The following SYT1 variants were observed in gnomAD, a reference collection of about 807,000 sequenced individuals.
SYT1 encodes synaptotagmin-1.
A neutral mutation model predicts 44.8 loss-of-function variants in SYT1; 8 were observed. The observed-to-expected ratio is 0.18, with a 90% confidence interval of 0.10 to 0.32. The LOEUF (loss-of-function observed/expected upper bound fraction) is 0.32. Among genes scored for constraint, SYT1 ranks in the 10% least tolerant of loss-of-function variants. SYT1 has a pLI of 1.00. For synonymous variants in SYT1, 154 were observed against 188.8 expected (o/e 0.82, Z 1.51); for missense variants, 286 against 509.3 (o/e 0.56, Z 4.22).
chr12:79,449,010 C>T lies in SYT1; in HGVS notation c.1155C>T (p.Gly385=), dbSNP rs572536317. The T allele has an allele frequency of 1.4e-4, 222 of 1,614,102 alleles. No homozygotes were observed. Among genetic ancestry groups the T allele is most frequent in the Non-Finnish European group, 1.7e-4 (200 of 1,180,030 alleles). ...GKVFVGYNST[G]AELRHWSDML... is the part of the protein sequence containing the mutation. ...TCTTTGTGGGCTACAACAGCACCGG[C>T]GCGGAGCTGCGACACTGGTCAGACA... The change falls in exon 11 of 11, where the codon GGC becomes GGT. Residue 385 remains glycine, a synonymous_variant. Transcript: ENST00000261205.
intron 1 of SYT1, among the ~76,000 whole-genome samples, chr12:78,936,532 G>A (rs1232705304): frequency 2.6e-5 from 4 of 151,950 alleles, no homozygotes; most frequent in African/African-American, 9.7e-5. Context: ...TTTAAATTGG[G>A]TATTTATAGA....
chr12:78,943,673 T>C (rs1878506103), intron 1 of SYT1, among the ~76,000 whole-genome samples: 1 of 152,188 alleles, frequency 6.6e-6, no homozygotes, highest in African/African-American at 2.4e-5. Flanking sequence ...TGTCGAATAC[T>C]AAAACTAGTA....
At chr12:79,032,593 G>A in intron 2 of SYT1, among the ~76,000 whole-genome samples, 1 of 151,210 alleles carries the variant, frequency 6.6e-6, no homozygotes, top group Non-Finnish European at 1.5e-5. Flanking sequence ...TCTTAATACA[G>A]TTAGCATTTA....
At chr12:79,359,679 T>TC (rs1419152198) in intron 9 of SYT1, among the ~76,000 whole-genome samples, 1 of 152,068 alleles carries the variant, frequency 6.6e-6, no homozygotes, top group Non-Finnish European at 1.5e-5. Flanking sequence ...ATTTACCCTG[T>TC]CCCCCTCCCT....
chr12:79,002,842 A>G (rs1022252369), intron 2 of SYT1, among the ~76,000 whole-genome samples: 1 of 152,046 alleles, frequency 6.6e-6, no homozygotes, highest in African/African-American at 2.4e-5. Flanking sequence ...TATGAGATTT[A>G]AAGTTTTAAA....
In SYT1 at chr12:79,248,342, A is replaced by C. The variant is rs530453789; in HGVS notation, c.166+30657A>C. Among the ~76,000 whole-genome samples, 5 of 152,300 alleles carry C rather than the reference A, an allele frequency of 3.3e-5. No individual in the cohort carries two copies. The East Asian group carries it at 7.7e-4, about 24-fold the overall frequency. Reference sequence around the variant, plus strand: ...AAAAACTAGGACTCAACAGACGGAGAGATTGGGTTGTGCAGGTGATGGAGA... The same window carrying C: ...AAAAACTAGGACTCAACAGACGGAGCGATTGGGTTGTGCAGGTGATGGAGA... On this transcript the variant is annotated intron_variant, in intron 4 of 10. Transcript: ENST00000261205.
intron 8 of SYT1, among the ~76,000 whole-genome samples, chr12:79,329,054 C>A (rs1486779837): frequency 2.0e-5 from 3 of 152,110 alleles, no homozygotes; most frequent in Non-Finnish European, 4.4e-5. Context: ...TAACAAACCG[C>A]TACAATCATC....
chr12:79,098,162 T>C (rs149806177), intron 3 of SYT1, among the ~76,000 whole-genome samples: 1 of 152,042 alleles, frequency 6.6e-6, no homozygotes, highest in Non-Finnish European at 1.5e-5. Flanking sequence ...GATGTTAACA[T>C]CCACTTTTAT....
intron 3 of SYT1, among the ~76,000 whole-genome samples, chr12:79,157,338 G>A (rs1870661915): frequency 6.6e-6 from 1 of 152,064 alleles, no homozygotes; most frequent in African/African-American, 2.4e-5. Context: ...TGCACCTTGG[G>A]CAATTAAAAA....
At chr12:79,313,444 A>G (rs542472581) in intron 8 of SYT1, among the ~76,000 whole-genome samples, 1 of 152,344 alleles carries the variant, frequency 6.6e-6, no homozygotes, top group Non-Finnish European at 1.5e-5. Context: ...GTAACAGATA[A>G]AAATGAAGCA....
At chr12:78,864,347 T>C (rs1184213128), upstream of SYT1, 1 of 129,506 alleles carries the variant, frequency 7.7e-6, no homozygotes, top group African/African-American at 2.9e-5. Flanking sequence ...TAGGTTTTGA[T>C]TGAGAGTAAA....
intron 9 of SYT1, among the ~76,000 whole-genome samples, chr12:79,388,483 C>G (rs1226288342): frequency 6.6e-6 from 1 of 151,868 alleles, no homozygotes; most frequent in Non-Finnish European, 1.5e-5. Flanking sequence ...CAACCTGAGT[C>G]CAGGAGTTCA....
chr12:79,010,741 T>G (rs1871358942), intron 2 of SYT1, among the ~76,000 whole-genome samples: 1 of 152,196 alleles, frequency 6.6e-6, no homozygotes, highest in Non-Finnish European at 1.5e-5. Context: ...GTCATCCCTA[T>G]GGAAGTTCAA....
chr12:78,973,001 G>C (rs945694657), intron 1 of SYT1, among the ~76,000 whole-genome samples: 1 of 152,024 alleles, frequency 6.6e-6, no homozygotes. Flanking sequence ...TAGGACAAAC[G>C]TATTTTGCTT....
rs147709163 is a variant in SYT1, at chr12:78,973,544, C to T, written c.-216-4255C>T. 5.5e-3 allele frequency among the ~76,000 whole-genome samples: 843 copies of T among 152,158 alleles called. 15 individuals carry two copies. The highest frequency in any genetic ancestry group is 0.037 in the Admixed American group (567 of 15,280). On this transcript the variant is annotated intron_variant, in intron 1 of 10. Transcript: ENST00000261205. ...TGAAACCAGAATGTCAAAGGGGTATCGCCATTCCACTACATATTGCAGTAT... is the reference window on the plus strand; with the variant it reads ...TGAAACCAGAATGTCAAAGGGGTATTGCCATTCCACTACATATTGCAGTAT...
chr12:79,075,382 C>G (rs1876572558), intron 3 of SYT1, among the ~76,000 whole-genome samples: 1 of 152,136 alleles, frequency 6.6e-6, no homozygotes, highest in Non-Finnish European at 1.5e-5. Flanking sequence ...TGGCCTTGCC[C>G]TAGCAGACAT....
Position 79,296,194 on chromosome 12 carries a change from A to G in SYT1, c.600A>G (p.Arg200=). 1 of 1,614,018 alleles carries G rather than the reference A, an allele frequency of 6.2e-7. No homozygotes were observed. Among genetic ancestry groups the G allele is most frequent in the Non-Finnish European group, 8.5e-7 (1 of 1,179,948 alleles). The stretch of plus-strand genomic sequence containing the variant: ...AGAAATTTGAGACAAAAGTCCACCG[A>G]AAAACCCTTAATCCTGTCTTCAATG... ...KKKKFETKVH[R]KTLNPVFNEQ... The change falls in exon 7 of 11, where the codon CGA becomes CGG. Residue 200 remains arginine, a synonymous_variant. Coordinates refer to ENST00000261205, the MANE Select transcript of SYT1 (RefSeq NM_005639.3).
intron 9 of SYT1, among the ~76,000 whole-genome samples, chr12:79,433,157 A>T (rs1869897940): frequency 6.6e-6 from 1 of 152,324 alleles, no homozygotes; most frequent in Admixed American, 6.5e-5. Flanking sequence ...TGTTTAAAAA[A>T]CATGCAGATA....
At chr12:79,310,396 A>G (rs1350601514) in intron 8 of SYT1, among the ~76,000 whole-genome samples, 4 of 152,058 alleles carry the variant, frequency 2.6e-5, no homozygotes, top group Non-Finnish European at 4.4e-5. Context: ...TGGTACCAGT[A>G]CCATGCTGTT....
Sources: allele counts gnomAD v4.1 joint callset (sites outside exome capture counted in the v4.1 genomes callset), GRCh38; gene constraint gnomAD v4.1.1; transcripts MANE v1.5; gene names NCBI Gene and HGNC (gene_info 2026-07-23, HGNC 2026-07-21).